The following SLC24A5 variants were observed in gnomAD, a reference collection of about 807,000 sequenced individuals.
SLC24A5 encodes the protein sodium/potassium/calcium exchanger 5.
SLC24A5 carries 46 observed loss-of-function variants against 51.6 expected under a neutral mutation model. That is an observed-to-expected ratio of 0.89 (90% CI 0.70 to 1.14). SLC24A5 has a LOEUF of 1.14. Ranked by LOEUF, SLC24A5 falls within the 50% of genes most tolerant of loss-of-function variation. The pLI is 0.00. For synonymous variants in SLC24A5, 230 were observed against 214.9 expected, an observed-to-expected ratio of 1.07 and a Z score of -0.62; for missense variants, 581 against 604.1, an observed-to-expected ratio of 0.96 and a Z score of 0.40.
In SLC24A5 at chr15:48,142,429, A is replaced by T; in HGVS notation, c.*78A>T. 9.1e-7 allele frequency: 1 copy of T among 1,104,876 alleles called. No homozygotes were observed. The allele number at this position is 1,104,876 out of a possible 1,614,324, so 68.4% of individuals were successfully genotyped here. A position where few individuals can be genotyped will look rare whatever the true frequency, so the allele number is the denominator to read the frequency against. On this transcript the variant is annotated 3_prime_UTR_variant, in exon 9 of 9. Transcript: ENST00000341459. Reference sequence around the variant, plus strand: ...AAAAATCCATTTCTTCATTTAAATCAAATTTTAAAAATCTTGAACCTTAGA... The same window carrying T: ...AAAAATCCATTTCTTCATTTAAATCTAATTTTAAAAATCTTGAACCTTAGA...
chr15:48,127,212 G>A (rs2038741080), intron 2 of SLC24A5, among the ~76,000 whole-genome samples: 1 of 152,154 alleles, frequency 6.6e-6, no homozygotes, highest in South Asian at 2.1e-4. Context: ...AAACACAAGT[G>A]AACTGCTTAC....
At chr15:48,130,736 G>A (rs1437158690) in intron 2 of SLC24A5, among the ~76,000 whole-genome samples, 3 of 152,110 alleles carry the variant, frequency 2.0e-5, no homozygotes, top group African/African-American at 7.2e-5. Flanking sequence ...GAATGTGCCG[G>A]AAAACTTCCA....
chr15:48,121,190 G>A (rs776393306), intron 1 of SLC24A5, 25 bp downstream of exon 1: 1 of 1,585,574 alleles, frequency 6.3e-7, no homozygotes, highest in South Asian at 1.1e-5. Flanking sequence ...GGGTCAGTTA[G>A]CTCTGCAGCA....
chr15:48,121,052 C>A lies in SLC24A5; in HGVS notation c.8C>A (p.Thr3Lys). 6.2e-7 allele frequency: 1 copy of A among 1,613,614 alleles called. No individual in the cohort carries two copies. Among genetic ancestry groups the A allele is most frequent in the Non-Finnish European group, 8.5e-7 (1 of 1,179,738 alleles). Residue 3 changes from threonine (T) to lysine (K), a missense_variant, in exon 1 of 9, where the codon ACA becomes AAA. Transcript: ENST00000341459. MQTKGGQTWARRA... is the reference protein window; with the variant it reads MQKKGGQTWARRA... ...AGTAAGAGCACAGCAGAAATGCAGA[C>A]AAAAGGGGGCCAAACATGGGCGAGA...
chr15:48,122,405 A>T, intron 2 of SLC24A5: 1 of 354,578 alleles, frequency 2.8e-6, no homozygotes, highest in African/African-American at 2.1e-5. Flanking sequence ...TGCTTCAAAA[A>T]ACTTTTTTTT....
intron 1 of SLC24A5, among the ~76,000 whole-genome samples, chr15:48,121,634 A>G (rs974665068): frequency 6.6e-6 from 1 of 152,194 alleles, no homozygotes; most frequent in African/African-American, 2.4e-5. Context: ...ATTCTTCACC[A>G]TCATCAACAT....
chr15:48,141,937 A>G (rs2039104063), intron 8 of SLC24A5, 92 bp from the exon 9 acceptor site: 1 of 992,876 alleles, frequency 1.0e-6, no homozygotes, highest in African/African-American at 1.6e-5. Flanking sequence ...AATCAACAAC[A>G]AAAAAGTATC....
At chr15:48,127,418 A>G (rs1330063314) in intron 2 of SLC24A5, among the ~76,000 whole-genome samples, 1 of 152,232 alleles carries the variant, frequency 6.6e-6, no homozygotes, top group East Asian at 1.9e-4. Context: ...TTTAAGGTAA[A>G]TAAAAGTAAG....
intron 2 of SLC24A5, among the ~76,000 whole-genome samples, chr15:48,126,023 A>C (rs1056814249): frequency 6.6e-6 from 1 of 152,162 alleles, no homozygotes; most frequent in African/African-American, 2.4e-5. Flanking sequence ...TGGAAGTGGA[A>C]GAGGGCAGAG....
In SLC24A5 at chr15:48,142,267, A is replaced by G; in HGVS notation, c.1419A>G (p.Leu473=). Residue 473 remains leucine, a synonymous_variant, in exon 9 of 9, where the codon TTA becomes TTG. Transcript: ENST00000341459. ...GAAAGTTGGGAATAGTCTGCCTATT[A>G]TCATACTTGGGGCTTGCTACATTAT... is the stretch of plus-strand genomic sequence containing the variant. ...LDRKLGIVCL[L]SYLGLATLSV... is the part of the protein sequence containing the mutation. 1 of 1,613,752 alleles carries G rather than the reference A, an allele frequency of 6.2e-7. No individual in the cohort carries two copies.
rs141923854 is a variant in SLC24A5 at position 48,122,188 on chromosome 15, G to T, written c.301+152G>T. 2.0e-4 allele frequency: 153 copies of T among 753,678 alleles called. No homozygotes were observed. The East Asian group carries it at 3.8e-3, about 19-fold the overall frequency. 46.7% of individuals were successfully genotyped at this position (753,678 alleles called of 1,614,324 possible). A position where few individuals can be genotyped will look rare whatever the true frequency, so the allele number is the denominator to read the frequency against. On this transcript the variant is annotated intron_variant, in intron 2 of 8. Transcript: ENST00000341459. The stretch of plus-strand genomic sequence containing the variant: ...GTGGGGTCCCGTGTCTTAAGGAACT[G>T]GTCGAGTGTGGTTTCTCTTGGTAGT...
chr15:48,121,460 G>T lies in SLC24A5; in HGVS notation c.121+295G>T, dbSNP rs577344205. ...CTTAGAAATTCTCTCTGCAACAGTG[G>T]ATGGATTCTTTGCAGGCCTGTGAAC... On this transcript the variant is annotated intron_variant, in intron 1 of 8. Transcript: ENST00000341459. Among the ~76,000 whole-genome samples, 9 of 152,256 alleles carry T rather than the reference G, an allele frequency of 5.9e-5. No individual in the cohort carries two copies. In the South Asian group the frequency reaches 1.7e-3, roughly 28 times the overall value.
chr15:48,121,200 A>AGCAGCT (rs2038675858), intron 1 of SLC24A5, 35 bp downstream of exon 1: 1 of 1,568,512 alleles, frequency 6.4e-7, no homozygotes, highest in South Asian at 1.2e-5. Context: ...GCTCTGCAGC[A>AGCAGCT]GCAGCTGCTG....
chr15:48,142,000 C>A, intron 8 of SLC24A5, 29 bp from the exon 9 acceptor site: 3 of 1,510,998 alleles, frequency 2.0e-6, no homozygotes, highest in South Asian at 1.2e-5. Flanking sequence ...TTGGTAAGCA[C>A]ATTTTAACAG....
At chr15:48,132,141 A>T (rs1175472911) in intron 2 of SLC24A5, among the ~76,000 whole-genome samples, 1 of 152,138 alleles carries the variant, frequency 6.6e-6, no homozygotes, top group Non-Finnish European at 1.5e-5. Context: ...CTAGACATGC[A>T]GGTCTTCTGT....
chr15:48,129,111 G>T (rs2038762315), intron 2 of SLC24A5, among the ~76,000 whole-genome samples: 1 of 152,004 alleles, frequency 6.6e-6, no homozygotes, highest in African/African-American at 2.4e-5. Context: ...TGTTAGATTG[G>T]GGATAGGGAG....
intron 2 of SLC24A5, chr15:48,122,407 C>CT (rs11344363): frequency 2.9e-5 from 10 of 345,720 alleles, no homozygotes; most frequent in African/African-American, 4.2e-5. Flanking sequence ...CTTCAAAAAA[C>CT]TTTTTTTTAT....
rs2140701795 is a variant in SLC24A5 at position 48,121,128 on chromosome 15, A to G, written c.84A>G (p.Ser28=). Reference sequence around the variant, plus strand: ...GGGCCACTGCACATCTGCCTCTCTCAGGGACCTCCCTGCCCCAACGTCTCC... The same window carrying G: ...GGGCCACTGCACATCTGCCTCTCTCGGGGACCTCCCTGCCCCAACGTCTCC... The part of the protein sequence containing the change: ...ILWATAHLPL[S]GTSLPQRLPR... The change falls in exon 1 of 9, where the codon TCA becomes TCG. Residue 28 remains serine (S), a synonymous_variant. Coordinates refer to ENST00000341459, the MANE Select transcript of SLC24A5 (RefSeq NM_205850.3). 2 of 1,613,778 alleles carry G rather than the reference A, an allele frequency of 1.2e-6. No homozygotes were observed. Among genetic ancestry groups the G allele is most frequent in the East Asian group, 4.5e-5 (2 of 44,822 alleles).
chr15:48,124,251 A>T (rs527387233), intron 2 of SLC24A5: 7 of 152,146 alleles, frequency 4.6e-5, no homozygotes, highest in African/African-American at 1.2e-4. Context: ...AGGATTTTTT[A>T]AAATTTATTT....
Sources: gnomAD v4.1 joint callset for allele counts (sites outside exome capture counted in the v4.1 genomes callset) on GRCh38, gnomAD v4.1.1 for gene constraint, MANE v1.5 for transcripts, NCBI Gene and HGNC (gene_info 2026-07-23, HGNC 2026-07-21) for gene names.